Variants in AGO2 observed in about 807,000 individuals in gnomAD.
AGO2 encodes the protein protein argonaute-2.
AGO2 carries 5 observed loss-of-function variants against 102.3 expected under a neutral mutation model. The ratio of observed to expected loss-of-function variants is 0.05; its 90% CI spans 0.03 to 0.10. The LOEUF (loss-of-function observed/expected upper bound fraction) is 0.10, where lower values mean the gene tolerates loss of function less well. AGO2 is among the 10% of genes least tolerant of loss of function. The pLI is 1.00. For synonymous variants in AGO2, 449 were observed against 473.1 expected, an observed-to-expected ratio of 0.95 and a Z score of 0.66; for missense variants, 541 against 1,183.7, an observed-to-expected ratio of 0.46 and a Z score of 7.97.
rs181347801 is a variant in AGO2 at position 140,565,388 on chromosome 8, G to A, written c.337-2754C>T. 3.6e-3 allele frequency among the ~76,000 whole-genome samples: 534 copies of A among 149,446 alleles called. 2 individuals are homozygous for A. The highest frequency in any genetic ancestry group is 5.4e-3 in the Non-Finnish European group (368 of 67,616). On this transcript the variant is annotated intron_variant, in intron 3 of 18. Coordinates refer to ENST00000220592, the MANE Select transcript of AGO2 (RefSeq NM_012154.5). ...TGGGAGGCAGAGGTTGCAGTGAGCC[G>A]AGATCGCGCCACTGCACTCCAGCCT... is the stretch of plus-strand genomic sequence containing the variant.
At chr8:140,607,474 A>G (rs2074016322) in intron 1 of AGO2, among the ~76,000 whole-genome samples, 2 of 16,524 alleles carry the variant, frequency 1.2e-4, no homozygotes, top group South Asian at 2.0e-3. Flanking sequence ...ATATATATAT[A>G]TATATATATA....
At chr8:140,535,398 G>A in intron 17 of AGO2, 70 bp downstream of exon 17, 1 of 1,504,374 alleles carries the variant, frequency 6.6e-7, no homozygotes, top group South Asian at 1.1e-5. Context: ...CAGAGTGCAA[G>A]TGTTTGCTGA....
intron 1 of AGO2, among the ~76,000 whole-genome samples, chr8:140,624,908 GA>G (rs1257181076): frequency 6.6e-6 from 1 of 152,206 alleles, no homozygotes; most frequent in East Asian, 1.9e-4. Context: ...GGAGGCGGGG[GA>G]TAGTGCATGG....
intron 3 of AGO2, among the ~76,000 whole-genome samples, chr8:140,571,097 G>A (rs2073370651): frequency 6.6e-6 from 1 of 152,220 alleles, no homozygotes; most frequent in Admixed American, 6.5e-5. Flanking sequence ...CTTGACTGAT[G>A]TGCATTTGGT....
chr8:140,532,011 A>G lies in AGO2; in HGVS notation c.*33T>C. The G allele has an allele frequency of 3.8e-6, 6 of 1,597,394 alleles. No homozygotes were observed. Among genetic ancestry groups the G allele is most frequent in the Non-Finnish European group, 5.1e-6 (6 of 1,165,322 alleles). On this transcript the variant is annotated 3_prime_UTR_variant, in exon 19 of 19. Coordinates refer to ENST00000220592, the MANE Select transcript of AGO2 (RefSeq NM_012154.5). The stretch of plus-strand genomic sequence containing the variant: ...GAGTGTAGCTGGTCTCGTGAATCCC[A>G]CTCGGTACACAATCGCTAAACACTA...
intron 2 of AGO2, among the ~76,000 whole-genome samples, chr8:140,582,536 T>C (rs1420173932): frequency 6.6e-6 from 1 of 152,232 alleles, no homozygotes; most frequent in Non-Finnish European, 1.5e-5. Context: ...ATACTCAACC[T>C]GTACAATCAA....
Position 140,597,465 on chromosome 8 carries a change from G to GCC in AGO2, c.23-12155_23-12154insGG, listed in dbSNP as rs1564108147. 2.3e-4 allele frequency among the ~76,000 whole-genome samples: 18 copies of GCC among 79,276 alleles called. 1 individual carries two copies. Among genetic ancestry groups the GCC allele is most frequent in the African/African-American group, 8.8e-4 (18 of 20,398 alleles). 52.0% of individuals were successfully genotyped at this position (79,276 alleles called of 152,430 possible). Reference sequence around the variant, plus strand: ...CCACGGACACCGATGGGGGCTGGGTGGCCCCCCCACCCCCCCCCCCCCGCC... The same window carrying GCC: ...CCACGGACACCGATGGGGGCTGGGTGCCGCCCCCCCACCCCCCCCCCCCCGCC... On this transcript the variant is annotated intron_variant, in intron 1 of 18. Transcript: ENST00000220592.
At chr8:140,569,230 G>A (rs540751122) in intron 3 of AGO2, among the ~76,000 whole-genome samples, 27 of 152,338 alleles carry the variant, frequency 1.8e-4, no homozygotes, top group African/African-American at 6.3e-4. Flanking sequence ...AACTCTGTGC[G>A]TGGCTGTCTT....
At chr8:140,600,712 T>A (rs572313601) in intron 1 of AGO2, among the ~76,000 whole-genome samples, 1 of 150,648 alleles carries the variant, frequency 6.6e-6, no homozygotes, top group Non-Finnish European at 1.5e-5. Context: ...ACACGCTCTC[T>A]GTTTTCCCAT....
rs560258969 is a variant in AGO2 at position 140,560,483 on chromosome 8, G to A, written c.546C>T (p.Phe182=). Residue 182 remains phenylalanine, a synonymous_variant, in exon 5 of 19, where the codon TTC becomes TTT. Coordinates refer to ENST00000220592, the MANE Select transcript of AGO2 (RefSeq NM_012154.5). ...GGTTAGAGCAGCCTTCGGACGCGGTGAAGAAGGAGCGGCCCACGGGGGTGT... is the reference window on the plus strand; with the variant it reads ...GGTTAGAGCAGCCTTCGGACGCGGTAAAGAAGGAGCGGCCCACGGGGGTGT... ...MRYTPVGRSF[F]TASEGCSNPL... is the part of the protein sequence containing the mutation. 6.2e-7 allele frequency: 1 copy of A among 1,614,176 alleles called. No individual in the cohort carries two copies. The highest frequency in any genetic ancestry group is 2.2e-5 in the East Asian group (1 of 44,882).
intron 1 of AGO2, among the ~76,000 whole-genome samples, chr8:140,615,390 C>A (rs1440778981): frequency 6.6e-6 from 1 of 152,230 alleles, no homozygotes; most frequent in Non-Finnish European, 1.5e-5. Flanking sequence ...CCACTCCTTG[C>A]CCACCTGCTC....
chr8:140,571,274 G>T (rs146151151), intron 3 of AGO2, among the ~76,000 whole-genome samples: 1 of 152,210 alleles, frequency 6.6e-6, no homozygotes, highest in Non-Finnish European at 1.5e-5. Context: ...GTCAGAGCGT[G>T]ATAAGGTGAA....
At chr8:140,608,554 G>T (rs369078968) in intron 1 of AGO2, among the ~76,000 whole-genome samples, 5 of 152,224 alleles carry the variant, frequency 3.3e-5, no homozygotes, top group Non-Finnish European at 7.3e-5. Flanking sequence ...GGACCGGGGC[G>T]GGGACCTGAG....
chr8:140,609,911 C>T (rs528143756), intron 1 of AGO2, among the ~76,000 whole-genome samples: 2 of 151,466 alleles, frequency 1.3e-5, no homozygotes, highest in South Asian at 2.1e-4. Flanking sequence ...AAGACTACAT[C>T]GACCAGGCAT....
At chr8:140,590,764 G>T (rs2073736335) in intron 1 of AGO2, among the ~76,000 whole-genome samples, 2 of 152,178 alleles carry the variant, frequency 1.3e-5, no homozygotes, top group South Asian at 4.1e-4. Context: ...CCACCAAGGG[G>T]GTCTCAGTGT....
At chr8:140,635,359 C>G (rs1447688723) in intron 1 of AGO2, 126 bp downstream of exon 1, 1 of 606,102 alleles carries the variant, frequency 1.6e-6, no homozygotes, top group Non-Finnish European at 2.1e-6. Context: ...CTCGCCCGCC[C>G]CCGGCCCCCG....
rs923973052 is a variant in AGO2, at chr8:140,530,310, G to A, written c.*1734C>T. The A allele has an allele frequency of 3.0e-5, 1 of 33,400 alleles. No individual in the cohort carries two copies. The highest frequency in any genetic ancestry group is 8.5e-5 in the Non-Finnish European group (1 of 11,728). The allele number at this position is 33,400 out of a possible 1,614,324, so 2.1% of individuals were successfully genotyped here. A position where few individuals can be genotyped will look rare whatever the true frequency, so the allele number is the denominator to read the frequency against. ...TCCAAAGCAGCTGAGCACAAAGGTG[G>A]GGGGGGGGGTGCCGCTGAGCAGGAG... On this transcript the variant is annotated 3_prime_UTR_variant, in exon 19 of 19. Transcript: ENST00000220592.
chr8:140,552,416 G>A (rs972482843), intron 10 of AGO2, among the ~76,000 whole-genome samples: 2 of 152,358 alleles, frequency 1.3e-5, no homozygotes, highest in Non-Finnish European at 2.9e-5. Flanking sequence ...TCCCGTGTGG[G>A]AGGGACAGGC....
At chr8:140,593,399 C>T (rs906602241) in intron 1 of AGO2, among the ~76,000 whole-genome samples, 6 of 151,782 alleles carry the variant, frequency 4.0e-5, no homozygotes, top group Admixed American at 1.3e-4. Flanking sequence ...ACCATGTTGG[C>T]CAGGCTGGTC....
Sources: allele counts gnomAD v4.1 joint callset (sites outside exome capture counted in the v4.1 genomes callset), GRCh38; gene constraint gnomAD v4.1.1; transcripts MANE v1.5; gene names NCBI Gene and HGNC (gene_info 2026-07-23, HGNC 2026-07-21).